The following TJP1 variants were observed in gnomAD, a reference collection of about 807,000 sequenced individuals.
TJP1 encodes tight junction protein 1.
A neutral mutation model predicts 194.2 loss-of-function variants in TJP1; 43 were observed. The observed-to-expected ratio is 0.22, with a 90% confidence interval of 0.17 to 0.29. The LOEUF (loss-of-function observed/expected upper bound fraction) is 0.29. Among genes scored for constraint, TJP1 ranks in the 10% least tolerant of loss-of-function variants. The pLI, the probability that TJP1 is intolerant of heterozygous loss-of-function variation, is 1.00. For missense variants in TJP1, 1,971 were observed against 2,185.7 expected, an observed-to-expected ratio of 0.90 and a Z score of 1.96; for synonymous variants, 801 against 779.0, an observed-to-expected ratio of 1.03 and a Z score of -0.47.
intron 2 of TJP1, among the ~76,000 whole-genome samples, chr15:29,948,145 G>C (rs1187652816): frequency 6.6e-6 from 1 of 151,808 alleles, no homozygotes; most frequent in Admixed American, 6.6e-5. Context: ...CCCGCCTGTA[G>C]TCCCAGTCAC....
intron 2 of TJP1, among the ~76,000 whole-genome samples, chr15:29,853,071 G>A (rs1208879149): frequency 1.3e-5 from 2 of 152,116 alleles, no homozygotes; most frequent in East Asian, 1.9e-4. Context: ...ATAATAAAAA[G>A]AACAAACTAT....
intron 1 of TJP1, among the ~76,000 whole-genome samples, chr15:29,803,425 A>G (rs538614761): frequency 7.9e-4 from 121 of 152,228 alleles, no homozygotes; most frequent in African/African-American, 2.8e-3. Flanking sequence ...TTGCCCAACT[A>G]TATACTAATG....
At chr15:29,950,460 CACCTCCACCATG>C (rs2055704293) in intron 2 of TJP1, among the ~76,000 whole-genome samples, 1 of 152,204 alleles carries the variant, frequency 6.6e-6, no homozygotes, top group Non-Finnish European at 1.5e-5. Context: ...CCACCAACTC[CACCTCCACCATG>C]ACCTCCACCT....
intron 25 of TJP1, among the ~76,000 whole-genome samples, chr15:29,706,016 C>A (rs1390531053): frequency 1.3e-5 from 2 of 152,182 alleles, no homozygotes; most frequent in African/African-American, 4.8e-5. Context: ...ACTGCAACCT[C>A]CATCTCCCAG....
intron 1 of TJP1, among the ~76,000 whole-genome samples, chr15:29,817,246 G>A (rs186725440): frequency 3.9e-5 from 6 of 152,210 alleles, no homozygotes; most frequent in Admixed American, 6.5e-5. Flanking sequence ...CATCATCACC[G>A]ATCATTAGAG....
chr15:29,710,152 G>GA (rs141147225), intron 24 of TJP1, among the ~76,000 whole-genome samples: 73 of 139,162 alleles, frequency 5.2e-4, no homozygotes, highest in East Asian at 2.7e-3. Flanking sequence ...TCAAAAAGAG[G>GA]AAAAAAAAAA....
At chr15:29,942,048 T>C (rs901224522) in intron 2 of TJP1, among the ~76,000 whole-genome samples, 5 of 152,202 alleles carry the variant, frequency 3.3e-5, no homozygotes, top group Non-Finnish European at 7.4e-5. Context: ...ATCCAGGAAC[T>C]GCTTTCATGA....
chr15:29,774,396 T>C (rs944772114), intron 2 of TJP1, among the ~76,000 whole-genome samples: 43 of 152,192 alleles, frequency 2.8e-4, no homozygotes, highest in Non-Finnish European at 4.0e-4. Context: ...AAACGTGATA[T>C]ATATCCATAC....
At chr15:29,766,118 C>G (rs1419828246) in intron 5 of TJP1, 148 bp downstream of exon 5, 5 of 1,045,590 alleles carry the variant, frequency 4.8e-6, no homozygotes, top group African/African-American at 1.6e-5. Flanking sequence ...GTCCCTGAAG[C>G]CTGCCATAAC....
intron 1 of TJP1, among the ~76,000 whole-genome samples, chr15:29,966,125 AATAAAT>A (rs2056323725): frequency 6.6e-6 from 1 of 152,240 alleles, no homozygotes; most frequent in African/African-American, 2.4e-5. Flanking sequence ...GATGGAAAAT[AATAAAT>A]ATAGTTTCCT....
chr15:29,922,274 G>A (rs1336961611), intron 2 of TJP1, among the ~76,000 whole-genome samples: 1 of 152,144 alleles, frequency 6.6e-6, no homozygotes, highest in African/African-American at 2.4e-5. Context: ...CTTGAGTCTA[G>A]GAGTTTGAGA....
At chr15:29,716,049 C>G (rs1329340772) in intron 23 of TJP1, among the ~76,000 whole-genome samples, 1 of 152,100 alleles carries the variant, frequency 6.6e-6, no homozygotes, top group Non-Finnish European at 1.5e-5. Context: ...GGAGAACAAA[C>G]CAACACGAAA....
intron 1 of TJP1, chr15:29,821,394 A>C (rs533802975): frequency 6.6e-6 from 1 of 152,354 alleles, no homozygotes; most frequent in Non-Finnish European, 1.5e-5. Flanking sequence ...TTAAATGTTA[A>C]AGAGGTTATT....
In TJP1 at chr15:29,742,685, T is replaced by C. The variant is rs377368374; in HGVS notation, c.1107A>G (p.Glu369=). ...ADDHTPKTVE[E]VTVERNEKQT... is the part of the protein sequence containing the mutation. Reference sequence around the variant, plus strand: ...GTTTCTCATTTCTTTCAACTGTAACTTCTTCCACTGTTTTAGGTGTGTGAT... The same window carrying C: ...GTTTCTCATTTCTTTCAACTGTAACCTCTTCCACTGTTTTAGGTGTGTGAT... Residue 369 remains glutamate (E), a synonymous_variant, in exon 9 of 28, where the codon GAA becomes GAG. Coordinates refer to ENST00000614355, the MANE Select transcript of TJP1 (RefSeq NM_001330239.4). The C allele has an allele frequency of 3.8e-6, 6 of 1,591,660 alleles. No homozygotes were observed. The highest frequency in any genetic ancestry group is 4.3e-6 in the Non-Finnish European group (5 of 1,170,290).
At chr15:29,788,596 C>T (rs556748235) in intron 2 of TJP1, among the ~76,000 whole-genome samples, 1 of 152,274 alleles carries the variant, frequency 6.6e-6, no homozygotes, top group South Asian at 2.1e-4. Context: ...CACCCCATCC[C>T]AAGTTTACCT....
intron 2 of TJP1, among the ~76,000 whole-genome samples, chr15:29,911,405 T>C (rs2054007633): frequency 6.6e-6 from 1 of 152,222 alleles, no homozygotes; most frequent in African/African-American, 2.4e-5. Flanking sequence ...TCTGTCTTCA[T>C]GTTTCTATAA....
chr15:29,938,387 T>C (rs969835418), intron 2 of TJP1, among the ~76,000 whole-genome samples: 3 of 151,886 alleles, frequency 2.0e-5, no homozygotes, highest in Admixed American at 6.6e-5. Context: ...AGATGGCTTA[T>C]GTTATATTAA....
intron 2 of TJP1, among the ~76,000 whole-genome samples, chr15:29,835,734 A>G (rs1327101728): frequency 1.3e-5 from 2 of 152,214 alleles, no homozygotes; most frequent in Non-Finnish European, 2.9e-5. Flanking sequence ...TAAACACCCA[A>G]AAGATTTCAA....
chr15:29,822,390 C>G lies in TJP1; in HGVS notation c.-362G>C. 9.9e-7 allele frequency: 1 copy of G among 1,009,080 alleles called. No individual in the cohort carries two copies. The highest frequency in any genetic ancestry group is 1.2e-6 in the Non-Finnish European group (1 of 845,338). 62.5% of individuals were successfully genotyped at this position (1,009,080 alleles called of 1,614,324 possible). On this transcript the variant is annotated 5_prime_UTR_variant, in exon 1 of 28. Coordinates refer to ENST00000614355, the MANE Select transcript of TJP1 (RefSeq NM_001330239.4). ...GTCTCCTCGGAAGCCGGCTTCGCCA[C>G]GTAACTTCCCGGGAACCGGCGGCCG...
Sources: allele counts gnomAD v4.1 joint callset (sites outside exome capture counted in the v4.1 genomes callset), GRCh38; gene constraint gnomAD v4.1.1; transcripts MANE v1.5; gene names NCBI Gene and HGNC (gene_info 2026-07-23, HGNC 2026-07-21).